LRFN2: variants seen among roughly 807,000 people sequenced by gnomAD.
LRFN2 encodes leucine rich repeat and fibronectin type III domain containing 2, also known as leucine-rich repeat and fibronectin type-III domain-containing protein 2.
LRFN2 carries 18 observed loss-of-function variants against 37.3 expected under a neutral mutation model. The observed-to-expected ratio is 0.48, with a 90% CI of 0.33 to 0.72. The LOEUF is 0.72. Ranked by LOEUF, LRFN2 falls within the 30% of genes least tolerant of loss-of-function variation. The pLI is 0.02. For missense variants in LRFN2, 1,006 were observed against 1,060.7 expected, an observed-to-expected ratio of 0.95 and a Z score of 0.72; for synonymous variants, 556 against 466.6, an observed-to-expected ratio of 1.19 and a Z score of -2.47.
chr6:40,568,467 G>T (rs1333216356), intron 1 of LRFN2, among the ~76,000 whole-genome samples: 1 of 151,910 alleles, frequency 6.6e-6, no homozygotes, highest in Non-Finnish European at 1.5e-5. Flanking sequence ...ATGGGTGAGG[G>T]GCAAAAAAAA....
At chr6:40,494,472 A>G (rs1765174760) in intron 1 of LRFN2, among the ~76,000 whole-genome samples, 3 of 152,192 alleles carry the variant, frequency 2.0e-5, no homozygotes, top group Admixed American at 1.3e-4. Context: ...AAACCCTTTC[A>G]TTATATAACT....
intron 1 of LRFN2, chr6:40,523,982 AG>A (rs1766167673): frequency 1.2e-4 from 1 of 8,336 alleles, no homozygotes. Flanking sequence ...GGGCAGGGGG[AG>A]GGGCTGGGAA....
chr6:40,503,431 C>G (rs1032438198), intron 1 of LRFN2, among the ~76,000 whole-genome samples: 1 of 152,088 alleles, frequency 6.6e-6, no homozygotes, highest in African/African-American at 2.4e-5. Context: ...CTGGTGCAGC[C>G]GATGGAGGGC....
intron 2 of LRFN2, among the ~76,000 whole-genome samples, chr6:40,399,587 G>A (rs1386542699): frequency 2.0e-5 from 3 of 151,336 alleles, no homozygotes; most frequent in African/African-American, 2.4e-5. Flanking sequence ...ACAGGTGCAC[G>A]CCACCAAGCC....
intron 1 of LRFN2, among the ~76,000 whole-genome samples, chr6:40,473,451 T>C (rs1764646079): frequency 6.6e-6 from 1 of 152,172 alleles, no homozygotes; most frequent in Non-Finnish European, 1.5e-5. Context: ...CTCCCAGTCA[T>C]TGGGGGAAAT....
intron 1 of LRFN2, among the ~76,000 whole-genome samples, chr6:40,520,100 G>A (rs759108084): frequency 1.3e-5 from 2 of 152,188 alleles, no homozygotes; most frequent in African/African-American, 2.4e-5. Flanking sequence ...GTTCAGGCCT[G>A]ACTCTGAGGT....
intron 2 of LRFN2, among the ~76,000 whole-genome samples, chr6:40,426,486 G>A (rs1360640895): frequency 6.6e-6 from 1 of 152,156 alleles, no homozygotes; most frequent in Non-Finnish European, 1.5e-5. Context: ...ACATGGAGAT[G>A]AGCATGCATG....
intron 1 of LRFN2, among the ~76,000 whole-genome samples, chr6:40,580,676 C>T (rs773609467): frequency 3.9e-5 from 6 of 152,196 alleles, no homozygotes; most frequent in Non-Finnish European, 7.3e-5. Context: ...TTGACATGCT[C>T]TCTAAAGTAG....
In LRFN2 at chr6:40,458,182, C is replaced by T. The variant is rs150253761; in HGVS notation, c.-18-25051G>A. On this transcript the variant is annotated intron_variant, in intron 1 of 2. Transcript: ENST00000338305. ...TTCTTTAACATGTGGAGAAACCCTG[C>T]CCAGCCTTCATTCTAGGGTGGCAGT... Among the ~76,000 whole-genome samples the T allele has an allele frequency of 2.6e-4, 40 of 152,288 alleles. No homozygotes were observed. In the East Asian group the frequency reaches 7.7e-3, roughly 29 times the overall value.
chr6:40,569,177 G>C (rs905831574), intron 1 of LRFN2, among the ~76,000 whole-genome samples: 1 of 152,218 alleles, frequency 6.6e-6, no homozygotes, highest in African/African-American at 2.4e-5. Flanking sequence ...GGAAGCATGA[G>C]TCCCCACCTA....
chr6:40,412,815 C>T (rs1340708244), intron 2 of LRFN2, among the ~76,000 whole-genome samples: 1 of 152,016 alleles, frequency 6.6e-6, no homozygotes, highest in Non-Finnish European at 1.5e-5. Flanking sequence ...CAATTGGTAA[C>T]TGATTTAGTA....
intron 1 of LRFN2, among the ~76,000 whole-genome samples, chr6:40,546,176 C>G (rs1055619230): frequency 6.6e-6 from 1 of 152,142 alleles, no homozygotes; most frequent in African/African-American, 2.4e-5. Flanking sequence ...TGACAACGCA[C>G]AGTCAGCGGG....
chr6:40,488,333 G>T (rs1561875549), intron 1 of LRFN2, among the ~76,000 whole-genome samples: 1 of 151,772 alleles, frequency 6.6e-6, no homozygotes, highest in Non-Finnish European at 1.5e-5. Context: ...CTGGCCACCT[G>T]CCTGGCCCCC....
intron 1 of LRFN2, among the ~76,000 whole-genome samples, chr6:40,547,853 C>T (rs1273740384): frequency 1.3e-5 from 2 of 152,152 alleles, no homozygotes; most frequent in Non-Finnish European, 2.9e-5. Flanking sequence ...GAGGTAACAG[C>T]CTCCCAGTGT....
At chr6:40,455,832 C>T (rs1764223042) in intron 1 of LRFN2, among the ~76,000 whole-genome samples, 1 of 152,184 alleles carries the variant, frequency 6.6e-6, no homozygotes, top group Non-Finnish European at 1.5e-5. Flanking sequence ...TAATGAAGGT[C>T]CCTCATCAAT....
chr6:40,530,874 C>T (rs1166713608), intron 1 of LRFN2, among the ~76,000 whole-genome samples: 1 of 152,130 alleles, frequency 6.6e-6, no homozygotes, highest in Non-Finnish European at 1.5e-5. Flanking sequence ...GCTGCTTCTC[C>T]CTTTGCCTTC....
chr6:40,392,706 A>G lies in LRFN2; in HGVS notation c.1607T>C (p.Leu536Pro). 6.2e-7 allele frequency: 1 copy of G among 1,614,108 alleles called. No homozygotes were observed. Among genetic ancestry groups the G allele is most frequent in the Non-Finnish European group, 8.5e-7 (1 of 1,180,002 alleles). Residue 536 changes from leucine (L) to proline (P), a missense_variant, in exon 3 of 3, where the codon CTG becomes CCG. Physicochemically the swap from Leu to Pro is moderately conservative, Grantham distance 98. Around this residue, in one of 4 missense-constraint regions of LRFN2, gnomAD observed 120 missense variants for 178.4 expected, o/e 0.67. Transcript: ENST00000338305. This position sits in a 1 kb window ranked among gnomAD's most constrained non-coding sequence, Gnocchi z 4.7. ...HSQILGGTMI[L>P]VIGGIIVATL... ...GGCCACGATGATGCCCCCGATGACC[A>G]GGATCATGGTGCCGCCCAGAATCTG...
chr6:40,560,298 G>A (rs1289546134), intron 1 of LRFN2, among the ~76,000 whole-genome samples: 2 of 152,146 alleles, frequency 1.3e-5, no homozygotes, highest in Non-Finnish European at 2.9e-5. Flanking sequence ...CCTTTTCAGG[G>A]ATCATGTGTT....
chr6:40,503,380 G>A (rs1325680824), intron 1 of LRFN2, among the ~76,000 whole-genome samples: 2 of 152,158 alleles, frequency 1.3e-5, no homozygotes, highest in Non-Finnish European at 2.9e-5. Context: ...ACTGTAGTGG[G>A]GGAGCAGAGG....
Sources: gnomAD v4.1 joint callset for allele counts (sites outside exome capture counted in the v4.1 genomes callset) on GRCh38, gnomAD v4.1.1 for gene constraint, gnomAD v4.1.1 regional missense constraint, Gnocchi (gnomAD v3.1) non-coding constraint, MANE v1.5 for transcripts, NCBI Gene and HGNC (gene_info 2026-07-23, HGNC 2026-07-21) for gene names.